Variants in NDUFS1 observed in about 807,000 individuals in gnomAD.
The protein encoded by NDUFS1 is NADH:ubiquinone oxidoreductase core subunit S1.
NDUFS1 carries 61 observed loss-of-function variants against 84.4 expected under a neutral mutation model. The ratio of observed to expected loss-of-function variants is 0.72; its 90% CI spans 0.59 to 0.89. NDUFS1 has a LOEUF of 0.89. NDUFS1 is among the 40% of genes least tolerant of loss of function. The pLI, the probability that NDUFS1 is intolerant of heterozygous loss-of-function variation, is 0.00. For missense variants in NDUFS1, 891 were observed against 890.0 expected (o/e 1.00, Z -0.01); for synonymous variants, 275 against 290.0 (o/e 0.95, Z 0.53).
intron 8 of NDUFS1, among the ~76,000 whole-genome samples, chr2:206,145,992 TA>T (rs1692141336): frequency 6.6e-6 from 1 of 152,134 alleles, no homozygotes. Context: ...AACCTATTCA[TA>T]AACTCCTGGA....
At chr2:206,157,765 GTAGCAATAGAAA>G (rs987144236) in intron 1 of NDUFS1, among the ~76,000 whole-genome samples, 1 of 152,162 alleles carries the variant, frequency 6.6e-6, no homozygotes, top group Non-Finnish European at 1.5e-5. Context: ...GATATGCCAA[GTAGCAATAGAAA>G]TAATTATCTC....
At chr2:206,133,302 G>A (rs905369651) in intron 13 of NDUFS1, among the ~76,000 whole-genome samples, 197 bp from the exon 14 acceptor site, 1 of 152,140 alleles carries the variant, frequency 6.6e-6, no homozygotes, top group Admixed American at 6.6e-5. Flanking sequence ...ATGCTACTGT[G>A]AAATATGCCT....
chr2:206,151,928 C>T (rs1692384334), intron 3 of NDUFS1, among the ~76,000 whole-genome samples: 2 of 152,124 alleles, frequency 1.3e-5, no homozygotes, highest in South Asian at 2.1e-4. Flanking sequence ...TGCAGTGGCA[C>T]AATCTCGGCT....
rs769891190 is a variant in NDUFS1, at chr2:206,130,085, T to TA, written c.1708+2dup. The TA allele has an allele frequency of 3.1e-6, 5 of 1,614,146 alleles. No homozygotes were observed. The highest frequency in any genetic ancestry group is 4.2e-6 in the Non-Finnish European group (5 of 1,180,016). ...TGTTTCTGGTGTCACAGGTGATACT[T>TA]ACCTTGATAAATAATGAAACAATCC... is the stretch of plus-strand genomic sequence containing the variant. On this transcript the variant is annotated splice_region_variant and intron_variant, in intron 15 of 18. Coordinates refer to ENST00000233190, the MANE Select transcript of NDUFS1 (RefSeq NM_005006.7).
In NDUFS1 at chr2:206,132,921, A is replaced by G. The variant is rs10170850; in HGVS notation, c.1553+24T>C. On this transcript the variant is annotated intron_variant, in intron 14 of 18. Transcript: ENST00000233190. ...ACACAACATTACTTGAATTTATAGTATATAAAGCAATTACTCAACAAACCT... is the reference window on the plus strand; with the variant it reads ...ACACAACATTACTTGAATTTATAGTGTATAAAGCAATTACTCAACAAACCT... 4.0e-3 allele frequency: 6,439 copies of G among 1,591,958 alleles called. 219 individuals carry two copies. The African/African-American group carries it at 0.078, about 19-fold the overall frequency.
At chr2:206,125,335 G>A (rs565905265) in intron 18 of NDUFS1, among the ~76,000 whole-genome samples, 62 of 151,962 alleles carry the variant, frequency 4.1e-4, no homozygotes, top group Non-Finnish European at 5.1e-4. Flanking sequence ...GGTGGTATGC[G>A]CCTATAGTCC....
At chr2:206,152,919 G>A (rs1692431223) in intron 2 of NDUFS1, among the ~76,000 whole-genome samples, 1 of 151,836 alleles carries the variant, frequency 6.6e-6, no homozygotes. Flanking sequence ...GGCCAGGATG[G>A]TCTCAAACTC....
At chr2:206,147,325 C>T (rs1328262550) in intron 7 of NDUFS1, among the ~76,000 whole-genome samples, 1 of 152,126 alleles carries the variant, frequency 6.6e-6, no homozygotes, top group Non-Finnish European at 1.5e-5. Flanking sequence ...TGAGTGAAAG[C>T]AAATGCTTAT....
intron 13 of NDUFS1, among the ~76,000 whole-genome samples, chr2:206,138,235 C>T (rs895009395): frequency 1.1e-4 from 16 of 152,200 alleles, no homozygotes; most frequent in African/African-American, 3.6e-4. Context: ...ATACTACAGG[C>T]GCACGCTAAC....
intron 13 of NDUFS1, among the ~76,000 whole-genome samples, chr2:206,138,009 ATGT>A (rs1691786305): frequency 1.3e-5 from 2 of 152,120 alleles, no homozygotes; most frequent in African/African-American, 4.8e-5. Context: ...AGAGATTATG[ATGT>A]TTTATCAATA....
chr2:206,144,808 A>G, intron 9 of NDUFS1, 84 bp downstream of exon 9: 1 of 1,437,538 alleles, frequency 7.0e-7, no homozygotes, highest in Non-Finnish European at 9.6e-7. Context: ...CTAATTTGCA[A>G]ATATAAAAGA....
chr2:206,159,212 C>T (rs1199258336), intron 1 of NDUFS1, 129 bp downstream of exon 1: 12 of 1,468,212 alleles, frequency 8.2e-6, no homozygotes, highest in East Asian at 2.5e-5. Flanking sequence ...TCCGAGGCGG[C>T]GGGGCGGGAG....
intron 5 of NDUFS1, among the ~76,000 whole-genome samples, chr2:206,148,600 A>T (rs1559061602): frequency 6.6e-6 from 1 of 152,190 alleles, no homozygotes; most frequent in Non-Finnish European, 1.5e-5. Flanking sequence ...CCCAGCCTGG[A>T]CAACATAGTG....
rs534332726 is a variant in NDUFS1 at position 206,120,828 on chromosome 2, A to C, written c.*3357T>G. ...GAATACAAGCAGGCTGCAGGAATAC[A>C]GTTGTCCATGCTGGACTCAACTCAT... On this transcript the variant is annotated 3_prime_UTR_variant, in exon 19 of 19. Coordinates refer to ENST00000233190, the MANE Select transcript of NDUFS1 (RefSeq NM_005006.7). 1 of 152,358 alleles carries C rather than the reference A, an allele frequency of 6.6e-6. No homozygotes were observed. Among genetic ancestry groups the C allele is most frequent in the African/African-American group, 2.4e-5 (1 of 41,584 alleles). The allele number at this position is 152,358 out of a possible 1,614,324, so 9.4% of individuals were successfully genotyped here.
At position 206,127,799 on chromosome 2, in the gene NDUFS1, C is replaced by T. The variant is rs1174168343; in HGVS notation, c.1882G>A (p.Glu628Lys). ...AAGAAATGACTCAGAAATTATACCT[C>T]AGAGAGTGCTCTTATAATTTTCCAG... ...EDWKIIRALS[E>K]IAGMTLPYDT... is the part of the protein sequence containing the mutation. The change falls in exon 16 of 19, where the codon GAG (glutamate) becomes AAG (lysine). Residue 628 changes from glutamate (E) to lysine (K), a missense_variant and splice_region_variant. Coordinates refer to ENST00000233190, the MANE Select transcript of NDUFS1 (RefSeq NM_005006.7). 1.2e-6 allele frequency: 2 copies of T among 1,613,830 alleles called. No individual in the cohort carries two copies. Among genetic ancestry groups the T allele is most frequent in the Non-Finnish European group, 8.5e-7 (1 of 1,179,928 alleles).
At chr2:206,155,851 G>A (rs1687631080) in intron 1 of NDUFS1, among the ~76,000 whole-genome samples, 1 of 151,282 alleles carries the variant, frequency 6.6e-6, no homozygotes, top group Admixed American at 6.6e-5. Flanking sequence ...ACCACGCCCG[G>A]CCAAGTCACC....
chr2:206,159,244 C>G (rs1687812468), intron 1 of NDUFS1, 97 bp downstream of exon 1: 2 of 1,051,900 alleles, frequency 1.9e-6, no homozygotes, highest in Non-Finnish European at 2.8e-6. Flanking sequence ...TCAAGGACAA[C>G]AGAAGACTAC....
intron 15 of NDUFS1, 66 bp downstream of exon 15, chr2:206,130,022 T>C (rs1691443185): frequency 6.3e-7 from 1 of 1,588,016 alleles, no homozygotes; most frequent in Non-Finnish European, 8.6e-7. Flanking sequence ...AATATATTAC[T>C]AAATGGTTTC....
intron 13 of NDUFS1, among the ~76,000 whole-genome samples, chr2:206,137,173 T>G (rs1691749487): frequency 1.3e-5 from 2 of 152,176 alleles, no homozygotes; most frequent in African/African-American, 4.8e-5. Flanking sequence ...TCTTCACCTT[T>G]AAGACATATT....
Sources: allele counts gnomAD v4.1 joint callset (sites outside exome capture counted in the v4.1 genomes callset), GRCh38; gene constraint gnomAD v4.1.1; transcripts MANE v1.5; gene names NCBI Gene and HGNC (gene_info 2026-07-23, HGNC 2026-07-21).